Variants in CDH12 observed in about 807,000 individuals in gnomAD.
The protein encoded by CDH12 is cadherin-12.
Under a neutral mutation model 74.1 loss-of-function variants are expected in CDH12, and 41 were observed. The observed-to-expected ratio is 0.55, with a 90% CI of 0.43 to 0.72. The LOEUF (loss-of-function observed/expected upper bound fraction) is 0.72. Among genes scored for constraint, CDH12 ranks in the 30% least tolerant of loss-of-function variants. The pLI is 0.00. For synonymous variants in CDH12, 399 were observed against 355.0 expected, an observed-to-expected ratio of 1.12 and a Z score of -1.39; for missense variants, 945 against 977.2, an observed-to-expected ratio of 0.97 and a Z score of 0.44.
intron 7 of CDH12, among the ~76,000 whole-genome samples, chr5:21,851,132 A>T (rs1208094930): frequency 6.6e-6 from 1 of 151,202 alleles, no homozygotes; most frequent in Non-Finnish European, 1.5e-5. Flanking sequence ...TCTCAAGTAG[A>T]GCTCAGATCA....
At chr5:22,820,098 C>T (rs1385255764) in intron 1 of CDH12, among the ~76,000 whole-genome samples, 1 of 149,000 alleles carries the variant, frequency 6.7e-6, no homozygotes, top group African/African-American at 2.5e-5. Flanking sequence ...TCATACATAG[C>T]TGAACAGAAA....
chr5:22,538,343 T>C (rs1737954785), intron 1 of CDH12, among the ~76,000 whole-genome samples: 1 of 152,314 alleles, frequency 6.6e-6, no homozygotes, highest in Non-Finnish European at 1.5e-5. Context: ...CAAATACCTT[T>C]AAGCAAGATG....
intron 1 of CDH12, among the ~76,000 whole-genome samples, chr5:22,713,180 C>T (rs563969866): frequency 1.4e-5 from 2 of 142,564 alleles, no homozygotes; most frequent in Admixed American, 7.2e-5. Context: ...CTTGCTCTCC[C>T]GCCCATCTGG....
intron 10 of CDH12, among the ~76,000 whole-genome samples, chr5:21,794,207 C>T (rs1318120328): frequency 6.6e-6 from 1 of 151,546 alleles, no homozygotes; most frequent in Non-Finnish European, 1.5e-5. Flanking sequence ...GGATTAACCT[C>T]TGTTGGCAAA....
Position 22,416,223 on chromosome 5 carries a change from C to T in CDH12, c.-427-10872G>A, listed in dbSNP as rs1032803148. Among the ~76,000 whole-genome samples the T allele has an allele frequency of 1.4e-4, 21 of 150,744 alleles. No individual in the cohort carries two copies. In the South Asian group the frequency reaches 2.1e-3, roughly 15 times the overall value. On this transcript the variant is annotated intron_variant, in intron 2 of 14. Coordinates refer to ENST00000382254, the MANE Select transcript of CDH12 (RefSeq NM_004061.5). The stretch of plus-strand genomic sequence containing the variant: ...CCGAGTAGCTGGGACTACAGGCGCC[C>T]GCCACCACGCCCGGCTAATTTTTTT...
At chr5:22,506,266 T>C (rs1736382836) in intron 1 of CDH12, among the ~76,000 whole-genome samples, 1 of 151,810 alleles carries the variant, frequency 6.6e-6, no homozygotes, top group Non-Finnish European at 1.5e-5. Flanking sequence ...ATTTGAAATT[T>C]TCTGAGAGAA....
chr5:22,069,322 A>C (rs1164474264), intron 5 of CDH12, among the ~76,000 whole-genome samples: 1 of 152,172 alleles, frequency 6.6e-6, no homozygotes, highest in Non-Finnish European at 1.5e-5. Context: ...AGTGCTAGAT[A>C]GGTGCCAATC....
chr5:22,728,403 T>C (rs186866779), intron 1 of CDH12, among the ~76,000 whole-genome samples: 4 of 152,078 alleles, frequency 2.6e-5, no homozygotes, highest in Non-Finnish European at 4.4e-5. Flanking sequence ...GTTTCTGTGA[T>C]CTTGTTTCTT....
At chr5:22,464,816 A>G (rs1434301015) in intron 2 of CDH12, among the ~76,000 whole-genome samples, 4 of 152,084 alleles carry the variant, frequency 2.6e-5, no homozygotes, top group Non-Finnish European at 5.9e-5. Context: ...AGCCTGGTTA[A>G]CATGGTGAAA....
intron 3 of CDH12, among the ~76,000 whole-genome samples, chr5:22,339,469 C>T (rs555573271): frequency 2.0e-5 from 3 of 152,062 alleles, no homozygotes; most frequent in Admixed American, 2.0e-4. Flanking sequence ...TTTGAGGGTT[C>T]TATTTGTTTC....
chr5:22,702,156 C>T (rs571124170), intron 1 of CDH12, among the ~76,000 whole-genome samples: 16 of 152,118 alleles, frequency 1.1e-4, no homozygotes, highest in African/African-American at 3.9e-4. Flanking sequence ...TAGCATGAGG[C>T]CAGGGGTTGC....
chr5:22,739,311 A>AATTTATT (rs777110061), intron 1 of CDH12, among the ~76,000 whole-genome samples: 4 of 129,970 alleles, frequency 3.1e-5, no homozygotes, highest in African/African-American at 5.2e-5. Context: ...GAATTTAAAA[A>AATTTATT]TTTTACTTTT....
chr5:21,872,783 GATCT>G (rs60717134), intron 6 of CDH12, among the ~76,000 whole-genome samples: 65,493 of 141,628 alleles, frequency 0.46, 14,678 homozygotes, highest in Middle Eastern at 0.5. Context: ...TTAAGAGTAA[GATCT>G]ATCTATCTAT....
intron 4 of CDH12, among the ~76,000 whole-genome samples, chr5:22,186,966 C>T (rs1212977390): frequency 6.6e-6 from 1 of 151,984 alleles, no homozygotes; most frequent in Non-Finnish European, 1.5e-5. Flanking sequence ...ACTTAAAGTA[C>T]AGTTTTAGGG....
intron 4 of CDH12, among the ~76,000 whole-genome samples, chr5:22,137,938 A>G (rs1355641576): frequency 6.6e-6 from 1 of 152,146 alleles, no homozygotes; most frequent in Admixed American, 6.6e-5. Context: ...AGATATCAGC[A>G]ATTTGTTGAA....
Position 22,098,558 on chromosome 5 carries a change from G to C in CDH12, c.-186-19696C>G, listed in dbSNP as rs367570812. Among the ~76,000 whole-genome samples, 1,065 of 152,282 alleles carry C rather than the reference G, an allele frequency of 7.0e-3. 5 individuals carry two copies. Among genetic ancestry groups the C allele is most frequent in the Non-Finnish European group, 0.01 (684 of 68,018 alleles). On this transcript the variant is annotated intron_variant, in intron 4 of 14. Coordinates refer to ENST00000382254, the MANE Select transcript of CDH12 (RefSeq NM_004061.5). Reference sequence around the variant, plus strand: ...AACTATGCTCAACTCACTCGCTACAGTTCTCATAACTGCCAAAATCTATTT... The same window carrying C: ...AACTATGCTCAACTCACTCGCTACACTTCTCATAACTGCCAAAATCTATTT...
intron 6 of CDH12, among the ~76,000 whole-genome samples, chr5:21,959,569 A>G (rs569666900): frequency 6.6e-6 from 1 of 152,138 alleles, no homozygotes; most frequent in Non-Finnish European, 1.5e-5. Flanking sequence ...CAGGGGTTGC[A>G]TCCTAATTTC....
At chr5:22,592,936 A>G (rs2126801861) in intron 1 of CDH12, among the ~76,000 whole-genome samples, 1 of 149,994 alleles carries the variant, frequency 6.7e-6, no homozygotes, top group Admixed American at 6.7e-5. Flanking sequence ...AGGCAGAGGT[A>G]GGAGAATCGC....
intron 1 of CDH12, among the ~76,000 whole-genome samples, chr5:22,540,071 T>C (rs1738032010): frequency 6.6e-6 from 1 of 152,200 alleles, no homozygotes; most frequent in Non-Finnish European, 1.5e-5. Flanking sequence ...ATATTCCAAG[T>C]GAACTACAAA....
Sources: allele counts gnomAD v4.1 joint callset (sites outside exome capture counted in the v4.1 genomes callset), GRCh38; gene constraint gnomAD v4.1.1; transcripts MANE v1.5; gene names NCBI Gene and HGNC (gene_info 2026-07-23, HGNC 2026-07-21).